The following ATRNL1 variants were observed in gnomAD, a reference collection of about 807,000 sequenced individuals.
ATRNL1 encodes attractin like 1, also known as attractin-like protein 1.
ATRNL1 carries 95 observed loss-of-function variants against 182.7 expected under a neutral mutation model. The observed-to-expected ratio is 0.52, with a 90% CI of 0.44 to 0.62. The LOEUF (loss-of-function observed/expected upper bound fraction) is 0.62. Among genes scored for constraint, ATRNL1 ranks in the 20% least tolerant of loss-of-function variants. The probability of loss-of-function intolerance (pLI) is 0.00; values close to 1 mark genes in which losing one functional copy is unlikely to be tolerated. For synonymous variants in ATRNL1, 576 were observed against 568.3 expected, an observed-to-expected ratio of 1.01 and a Z score of -0.19; for missense variants, 1,471 against 1,679.5, an observed-to-expected ratio of 0.88 and a Z score of 2.17.
At chr10:115,190,533 C>T (rs181647264) in intron 8 of ATRNL1, among the ~76,000 whole-genome samples, 58 of 152,128 alleles carry the variant, frequency 3.8e-4, no homozygotes, top group African/African-American at 1.3e-3. Flanking sequence ...GGAAGAAATA[C>T]GCACTCCCTA....
intron 8 of ATRNL1, among the ~76,000 whole-genome samples, chr10:115,171,675 A>T (rs1554885676): frequency 2.0e-5 from 3 of 151,892 alleles, no homozygotes; most frequent in African/African-American, 7.2e-5. Flanking sequence ...TTAGCATTCT[A>T]TTTCTAATCT....
intron 27 of ATRNL1, among the ~76,000 whole-genome samples, chr10:115,761,577 A>G: frequency 6.6e-6 from 1 of 152,222 alleles, no homozygotes; most frequent in East Asian, 1.9e-4. Context: ...CCTACTTCCA[A>G]AAAAGAATTG....
chr10:115,614,974 A>G (rs1193916790), intron 26 of ATRNL1, among the ~76,000 whole-genome samples: 1 of 151,796 alleles, frequency 6.6e-6, no homozygotes, highest in East Asian at 1.9e-4. Flanking sequence ...TTTTTAATCA[A>G]TTCAGCAGTT....
rs141726424 is a variant in ATRNL1, at chr10:115,412,510, A to C, written c.3270-13740A>C. On this transcript the variant is annotated intron_variant, in intron 20 of 28. Coordinates refer to ENST00000355044, the MANE Select transcript of ATRNL1 (RefSeq NM_207303.4). ...AATGTGTGTTGATTATAGTTACCAA[A>C]TTTATGTATTTTTATTGAGCAATAG... is the stretch of plus-strand genomic sequence containing the variant. 1.8e-3 allele frequency among the ~76,000 whole-genome samples: 275 copies of C among 152,278 alleles called. 2 individuals are homozygous for C. Among genetic ancestry groups the C allele is most frequent in the East Asian group, 1.7e-3 (9 of 5,186 alleles).
At chr10:115,136,176 T>C (rs1181560516) in intron 5 of ATRNL1, among the ~76,000 whole-genome samples, 1 of 152,164 alleles carries the variant, frequency 6.6e-6, no homozygotes, top group Non-Finnish European at 1.5e-5. Context: ...ATATTTAATT[T>C]TGTCATAAAG....
At chr10:115,698,656 T>TAC (rs1946637311) in intron 26 of ATRNL1, among the ~76,000 whole-genome samples, 1 of 152,038 alleles carries the variant, frequency 6.6e-6, no homozygotes, top group African/African-American at 2.4e-5. Flanking sequence ...CGTGGGCCTG[T>TAC]AGTCCCAGCT....
At chr10:115,784,756 T>C (rs1202579801) in intron 27 of ATRNL1, among the ~76,000 whole-genome samples, 1 of 152,204 alleles carries the variant, frequency 6.6e-6, no homozygotes, top group Non-Finnish European at 1.5e-5. Flanking sequence ...CTTCCCTGTA[T>C]GTTTTCACAT....
At chr10:115,939,127 CCA>C (rs1953649868) in intron 28 of ATRNL1, among the ~76,000 whole-genome samples, 1 of 152,182 alleles carries the variant, frequency 6.6e-6, no homozygotes, top group African/African-American at 2.4e-5. Flanking sequence ...TCATAAATAT[CCA>C]CAGTTATTTG....
In ATRNL1 at chr10:115,421,379, T is replaced by C. The variant is rs117207884; in HGVS notation, c.3270-4871T>C. ...GTGAAATTCATCCCAGTAATGCAAG[T>C]ACAGTTCAAACCACAAAAATTAATA... On this transcript the variant is annotated intron_variant, in intron 20 of 28. Coordinates refer to ENST00000355044, the MANE Select transcript of ATRNL1 (RefSeq NM_207303.4). Among the ~76,000 whole-genome samples, 170 of 152,264 alleles carry C rather than the reference T, an allele frequency of 1.1e-3. 2 individuals carry two copies. The East Asian group carries it at 0.032, about 28-fold the overall frequency.
chr10:115,497,945 T>C (rs7088622), intron 24 of ATRNL1, among the ~76,000 whole-genome samples: 101,776 of 151,956 alleles, frequency 0.67, 34,682 homozygotes, highest in Non-Finnish European at 0.73. Flanking sequence ...CGTGAGGCAT[T>C]ACACCTGGCC....
intron 27 of ATRNL1, among the ~76,000 whole-genome samples, chr10:115,754,802 C>T (rs758105796): frequency 3.0e-4 from 45 of 152,126 alleles, no homozygotes; most frequent in Non-Finnish European, 6.0e-4. Context: ...TATCCATGAG[C>T]GTGGAATGTT....
intron 26 of ATRNL1, among the ~76,000 whole-genome samples, chr10:115,582,992 T>G (rs1378276050): frequency 6.8e-6 from 1 of 146,300 alleles, no homozygotes; most frequent in Non-Finnish European, 1.5e-5. Flanking sequence ...GCACCATTTA[T>G]TAAATAGGGA....
chr10:115,131,292 A>T (rs1554875105), intron 5 of ATRNL1, among the ~76,000 whole-genome samples: 4 of 152,138 alleles, frequency 2.6e-5, no homozygotes, highest in African/African-American at 9.7e-5. Context: ...TATGGAGAAT[A>T]GTGTGAAAGT....
intron 24 of ATRNL1, among the ~76,000 whole-genome samples, chr10:115,499,652 A>G (rs1849716904): frequency 6.6e-6 from 1 of 152,196 alleles, no homozygotes; most frequent in South Asian, 2.1e-4. Context: ...GAAGACTTGA[A>G]GGAGGGAGAG....
At chr10:115,313,718 T>C (rs1343995843) in intron 17 of ATRNL1, among the ~76,000 whole-genome samples, 1 of 151,884 alleles carries the variant, frequency 6.6e-6, no homozygotes, top group Non-Finnish European at 1.5e-5. Flanking sequence ...TAAAACTTAC[T>C]TTCTTAGGAA....
In ATRNL1 at chr10:115,797,533, T is replaced by C. The variant is rs893422921; in HGVS notation, c.3904-50344T>C. ...AATTTTTGGACTGACACTGGGGATA[T>C]TAGAATGAACAAAACAGACAAAAAG... On this transcript the variant is annotated intron_variant, in intron 27 of 28. Coordinates refer to ENST00000355044, the MANE Select transcript of ATRNL1 (RefSeq NM_207303.4). 7.9e-5 allele frequency among the ~76,000 whole-genome samples: 12 copies of C among 151,938 alleles called. No homozygotes were observed. The East Asian group carries it at 2.3e-3, about 29-fold the overall frequency.
intron 1 of ATRNL1, among the ~76,000 whole-genome samples, chr10:115,097,450 C>T (rs911726744): frequency 9.9e-5 from 15 of 152,134 alleles, no homozygotes; most frequent in African/African-American, 3.6e-4. Flanking sequence ...CACGCCACTG[C>T]GCTCCAGCTT....
At chr10:115,896,894 AT>A in intron 28 of ATRNL1, among the ~76,000 whole-genome samples, 1 of 152,292 alleles carries the variant, frequency 6.6e-6, no homozygotes, top group Admixed American at 6.5e-5. Flanking sequence ...ATGAGTAAAC[AT>A]TTTTACAAAC....
chr10:115,488,773 AGTTT>A (rs1849152760), intron 24 of ATRNL1, among the ~76,000 whole-genome samples: 1 of 151,462 alleles, frequency 6.6e-6, no homozygotes, highest in African/African-American at 2.4e-5. Flanking sequence ...CTCACTTTTT[AGTTT>A]GTTTGTTCTT....
Sources: allele counts gnomAD v4.1 joint callset (sites outside exome capture counted in the v4.1 genomes callset), GRCh38; gene constraint gnomAD v4.1.1; transcripts MANE v1.5; gene names NCBI Gene and HGNC (gene_info 2026-07-23, HGNC 2026-07-21).